Variants in SNTG1 observed in about 807,000 individuals in gnomAD.
The protein encoded by SNTG1 is gamma-1-syntrophin.
A neutral mutation model predicts 74.7 loss-of-function variants in SNTG1; 39 were observed. The ratio of observed to expected loss-of-function variants is 0.52; its 90% confidence interval spans 0.40 to 0.68. The LOEUF (loss-of-function observed/expected upper bound fraction) is 0.68. Among genes scored for constraint, SNTG1 ranks in the 30% least tolerant of loss-of-function variants. The pLI is 0.00. For missense variants in SNTG1, 685 were observed against 609.5 expected, an observed-to-expected ratio of 1.12 and a Z score of -1.30; for synonymous variants, 254 against 217.1, an observed-to-expected ratio of 1.17 and a Z score of -1.49.
chr8:50,669,328 A>T (rs2095266759), intron 15 of SNTG1, among the ~76,000 whole-genome samples: 2 of 152,164 alleles, frequency 1.3e-5, no homozygotes, highest in Admixed American at 1.3e-4. Context: ...AGAAGAATCA[A>T]ATAGACGCAA....
chr8:49,969,724 A>G (rs1283166290), intron 1 of SNTG1, among the ~76,000 whole-genome samples: 1 of 152,040 alleles, frequency 6.6e-6, no homozygotes, highest in Admixed American at 6.6e-5. Flanking sequence ...AGTTACATCC[A>G]TTACATATGA....
intron 18 of SNTG1, among the ~76,000 whole-genome samples, chr8:50,786,006 G>A (rs2095673995): frequency 6.6e-6 from 1 of 151,894 alleles, no homozygotes; most frequent in African/African-American, 2.4e-5. Flanking sequence ...AGGAATGTAT[G>A]TGTTCCCCCT....
chr8:50,675,179 G>C (rs113978809), intron 15 of SNTG1, among the ~76,000 whole-genome samples: 4,173 of 152,052 alleles, frequency 0.027, 163 homozygotes, highest in African/African-American at 0.092. Flanking sequence ...TGTCTATTAG[G>C]TCCACTTGAT....
chr8:50,360,017 C>G (rs2091915869), intron 2 of SNTG1, among the ~76,000 whole-genome samples: 1 of 152,042 alleles, frequency 6.6e-6, no homozygotes, highest in Admixed American at 6.6e-5. Flanking sequence ...GCAGGCCTTT[C>G]TGTAGAAGAG....
chr8:50,297,730 T>A (rs1010318877), intron 2 of SNTG1, among the ~76,000 whole-genome samples: 1 of 152,124 alleles, frequency 6.6e-6, no homozygotes, highest in African/African-American at 2.4e-5. Flanking sequence ...TTCACTGTTA[T>A]TTCTGGAGTT....
At chr8:50,372,908 A>G (rs1484967289) in intron 2 of SNTG1, among the ~76,000 whole-genome samples, 3 of 152,216 alleles carry the variant, frequency 2.0e-5, no homozygotes, top group African/African-American at 7.2e-5. Context: ...AGTTTCCAAG[A>G]GACAGTTGGT....
At chr8:50,528,822 G>A (rs1288994382) in intron 9 of SNTG1, among the ~76,000 whole-genome samples, 8 of 148,724 alleles carry the variant, frequency 5.4e-5, no homozygotes, top group Admixed American at 3.3e-4. Context: ...TTTTGCTATG[G>A]GTTTATCTAA....
At chr8:50,024,966 AT>A (rs1173012752) in intron 1 of SNTG1, among the ~76,000 whole-genome samples, 10 of 152,046 alleles carry the variant, frequency 6.6e-5, no homozygotes, top group African/African-American at 2.4e-4. Context: ...CAAGTCGTTT[AT>A]TTCTGAAATT....
At chr8:50,524,965 C>T (rs951405638) in intron 9 of SNTG1, among the ~76,000 whole-genome samples, 2 of 152,012 alleles carry the variant, frequency 1.3e-5, no homozygotes, top group African/African-American at 4.8e-5. Flanking sequence ...CTACCTTTAC[C>T]AGAGGACATT....
chr8:50,174,557 T>A lies in SNTG1; in HGVS notation c.-28+1922T>A, dbSNP rs1011167867. ...AAGCACATTTTCCCCAAAGCAAAAA[T>A]AACCCTTTCTAACGCATTATAAATG... is the stretch of plus-strand genomic sequence containing the variant. On this transcript the variant is annotated intron_variant, in intron 2 of 18. Coordinates refer to ENST00000642720, the MANE Select transcript of SNTG1 (RefSeq NM_018967.5). Among the ~76,000 whole-genome samples the A allele has an allele frequency of 7.2e-5, 11 of 152,296 alleles. No individual in the cohort carries two copies. The South Asian group carries it at 2.3e-3, about 32-fold the overall frequency.
intron 2 of SNTG1, among the ~76,000 whole-genome samples, chr8:50,323,148 T>C (rs1327382763): frequency 6.6e-6 from 1 of 151,960 alleles, no homozygotes. Context: ...TTCTTCAATA[T>C]GTCATTTGCA....
Position 49,997,804 on chromosome 8 carries a change from A to T in SNTG1, c.-103+85573A>T, listed in dbSNP as rs141206896. 5.3e-3 allele frequency among the ~76,000 whole-genome samples: 808 copies of T among 152,200 alleles called. 9 individuals carry two copies. The highest frequency in any genetic ancestry group is 0.018 in the African/African-American group (766 of 41,522). On this transcript the variant is annotated intron_variant, in intron 1 of 18. Coordinates refer to ENST00000642720, the MANE Select transcript of SNTG1 (RefSeq NM_018967.5). ...TCTTGTAGTGTCTCAGTCATTAGAA[A>T]TCTATTGTTTCATCTGGTTTCATGT...
At chr8:50,591,545 G>GT (rs1286605869) in intron 13 of SNTG1, among the ~76,000 whole-genome samples, 2 of 152,112 alleles carry the variant, frequency 1.3e-5, no homozygotes, top group Admixed American at 1.3e-4. Context: ...CAACATTTGT[G>GT]TAAGGGCGAC....
At chr8:50,493,912 C>G (rs141700948) in intron 8 of SNTG1, among the ~76,000 whole-genome samples, 1 of 151,374 alleles carries the variant, frequency 6.6e-6, no homozygotes, top group Admixed American at 6.6e-5. Flanking sequence ...TTGATGAGTT[C>G]CAGCAAATAC....
chr8:50,055,867 T>C (rs555968272), intron 1 of SNTG1, among the ~76,000 whole-genome samples: 1 of 152,150 alleles, frequency 6.6e-6, no homozygotes, highest in Admixed American at 6.6e-5. Context: ...AAAAAATTGT[T>C]TGATAGACTT....
intron 13 of SNTG1, among the ~76,000 whole-genome samples, chr8:50,612,975 AG>A (rs968890022): frequency 3.9e-4 from 60 of 152,268 alleles, no homozygotes; most frequent in African/African-American, 1.3e-3. Flanking sequence ...CCAAGTGTAC[AG>A]GAAAAAAAAC....
chr8:50,270,876 C>T (rs1586911702), intron 2 of SNTG1, among the ~76,000 whole-genome samples: 1 of 152,298 alleles, frequency 6.6e-6, no homozygotes, highest in East Asian at 1.9e-4. Context: ...GTCACAGCCA[C>T]ACCGTGTGAA....
chr8:50,595,305 C>T (rs1032048538), intron 13 of SNTG1, among the ~76,000 whole-genome samples: 10 of 151,670 alleles, frequency 6.6e-5, no homozygotes, highest in Admixed American at 2.6e-4. Context: ...GAGAATCCAC[C>T]TCAAAAAAAG....
At chr8:49,972,895 G>A (rs1376649976) in intron 1 of SNTG1, among the ~76,000 whole-genome samples, 18 of 148,466 alleles carry the variant, frequency 1.2e-4, no homozygotes, top group Admixed American at 2.7e-4. Flanking sequence ...GAGAAATAGG[G>A]ACGCTTTTAC....
Sources: allele counts gnomAD v4.1 joint callset (sites outside exome capture counted in the v4.1 genomes callset), GRCh38; gene constraint gnomAD v4.1.1; transcripts MANE v1.5; gene names NCBI Gene and HGNC (gene_info 2026-07-23, HGNC 2026-07-21).